Variants in MCM8 observed in about 807,000 individuals in gnomAD.
The protein encoded by MCM8 is minichromosome maintenance 8 homologous recombination repair factor, also known as DNA helicase MCM8.
A neutral mutation model predicts 98.9 loss-of-function variants in MCM8; 85 were observed. The ratio of observed to expected loss-of-function variants is 0.86; its 90% CI spans 0.72 to 1.03. The LOEUF is 1.03. Ranked by LOEUF, MCM8 falls within the 50% of genes least tolerant of loss-of-function variation. MCM8 has a pLI of 0.00. For synonymous variants in MCM8, 352 were observed against 338.6 expected, an observed-to-expected ratio of 1.04 and a Z score of -0.44; for missense variants, 951 against 997.8, an observed-to-expected ratio of 0.95 and a Z score of 0.63.
intron 17 of MCM8, among the ~76,000 whole-genome samples, chr20:5,988,478 A>G (rs1452767505): frequency 1.3e-5 from 2 of 151,780 alleles, no homozygotes; most frequent in African/African-American, 4.8e-5. Context: ...AAAAAAGTAT[A>G]TAGTGGAAAA....
chr20:5,995,029 A>T lies in MCM8; in HGVS notation c.*638A>T, dbSNP rs547217434. The stretch of plus-strand genomic sequence containing the variant: ...TAGTTGTATTTTTGACCTGCCTTTT[A>T]TATGTATGAATATTTCATAGTTTTG... On this transcript the variant is annotated 3_prime_UTR_variant, in exon 19 of 19. Coordinates refer to ENST00000610722, the MANE Select transcript of MCM8 (RefSeq NM_032485.6). 1 of 168,082 alleles carries T rather than the reference A, an allele frequency of 5.9e-6. No individual in the cohort carries two copies. The highest frequency in any genetic ancestry group is 2.4e-5 in the African/African-American group (1 of 41,710). The allele number at this position is 168,082 out of a possible 1,614,324, so 10.4% of individuals were successfully genotyped here.
chr20:5,993,825 A>G (rs1200276985), intron 18 of MCM8, 130 bp downstream of exon 18: 6 of 696,374 alleles, frequency 8.6e-6, no homozygotes, highest in Admixed American at 5.7e-5. Context: ...CAGCATCTTG[A>G]TAGTCAGAGG....
rs180709899 is a variant in MCM8, at chr20:5,977,535, C to G, written c.1396-341C>G. On this transcript the variant is annotated intron_variant, in intron 12 of 18. Transcript: ENST00000610722. ...GGAACCTTCAAAATTAAAATTGGTA[C>G]TCATGTTTTTGCTTTTCGAACTTGA... Among the ~76,000 whole-genome samples, 17 of 152,332 alleles carry G rather than the reference C, an allele frequency of 1.1e-4. No individual in the cohort carries two copies. The East Asian group carries it at 3.3e-3, about 29-fold the overall frequency.
At position 5,993,630 on chromosome 20, in the gene MCM8, A is replaced by G. The variant is rs1276884169; in HGVS notation, c.2365A>G (p.Arg789Gly). The change falls in exon 18 of 19, where the codon AGA becomes GGA. Residue 789 changes from arginine (R) to glycine (G), a missense_variant. Coordinates refer to ENST00000610722, the MANE Select transcript of MCM8 (RefSeq NM_032485.6). ...TTCTGCTCTCAACAACGTTGCTGAA[A>G]GAACTTATAATAATATATTTCAATT... ...FISALNNVAE[R>G]TYNNIFQFHQ... The G allele has an allele frequency of 6.2e-7, 1 of 1,612,058 alleles. No homozygotes were observed. Among genetic ancestry groups the G allele is most frequent in the Admixed American group, 1.7e-5 (1 of 59,954 alleles).
chr20:5,993,782 T>A, intron 18 of MCM8, 87 bp downstream of exon 18: 2 of 1,083,856 alleles, frequency 1.8e-6, no homozygotes, highest in Non-Finnish European at 2.6e-6. Context: ...TTTACTTATT[T>A]AAAATTCATA....
At position 5,994,824 on chromosome 20, in the gene MCM8, C is replaced by A; in HGVS notation, c.*433C>A. On this transcript the variant is annotated 3_prime_UTR_variant, in exon 19 of 19. Coordinates refer to ENST00000610722, the MANE Select transcript of MCM8 (RefSeq NM_032485.6). ...CTTGTGAGGCTGAGGCAGGAGGATT[C>A]TTTGAGCCCAGGAGTTTGAGGTTAC... 4.9e-6 allele frequency: 2 copies of A among 411,246 alleles called. No individual in the cohort carries two copies. The highest frequency in any genetic ancestry group is 1.8e-5 in the South Asian group (1 of 55,756). The allele number at this position is 411,246 out of a possible 1,614,324, so 25.5% of individuals were successfully genotyped here.
rs1447052307 is a variant in MCM8, at chr20:5,975,527, C to T, written c.1395+2331C>T. On this transcript the variant is annotated intron_variant, in intron 12 of 18. Transcript: ENST00000610722. ...TTTTTTTTTTTTTGAGTCGGAGTCT[C>T]GCTCTGCCGCCCAGGCTGGAGTGCA... is the stretch of plus-strand genomic sequence containing the variant. Among the ~76,000 whole-genome samples the T allele has an allele frequency of 7.6e-5, 11 of 145,074 alleles. No individual in the cohort carries two copies. In the East Asian group the frequency reaches 8.0e-4, roughly 11 times the overall value.
In MCM8 at chr20:5,962,352, CTTTTTTTTTTT is replaced by C. The variant is rs926577182; in HGVS notation, c.790-899_790-889del. Among the ~76,000 whole-genome samples, 201 of 40,526 alleles carry C rather than the reference CTTTTTTTTTTT, an allele frequency of 5.0e-3. 1 individual carries two copies. Among genetic ancestry groups the C allele is most frequent in the African/African-American group, 0.039 (163 of 4,228 alleles). The allele number at this position is 40,526 out of a possible 152,430, so 26.6% of individuals were successfully genotyped here. The stretch of plus-strand genomic sequence containing the variant: ...CAGGAGAAGGAATTAGCCTTCATTT[CTTTTTTTTTTT>C]TTTTTTTTTTTTTTTTTTTTTTGAG... On this transcript the variant is annotated intron_variant, in intron 7 of 18. Coordinates refer to ENST00000610722, the MANE Select transcript of MCM8 (RefSeq NM_032485.6).
chr20:5,983,373 A>G (rs954738633), intron 14 of MCM8, among the ~76,000 whole-genome samples: 1 of 152,218 alleles, frequency 6.6e-6, no homozygotes, highest in African/African-American at 2.4e-5. Flanking sequence ...AAACATTTTA[A>G]ATATTAATCA....
intron 13 of MCM8, among the ~76,000 whole-genome samples, chr20:5,978,809 C>T (rs1452521357): frequency 1.3e-5 from 2 of 152,214 alleles, no homozygotes; most frequent in Non-Finnish European, 2.9e-5. Context: ...CCACCCACCA[C>T]ACCTCCCAAA....
intron 3 of MCM8, among the ~76,000 whole-genome samples, chr20:5,954,186 A>G (rs988545452): frequency 2.0e-5 from 3 of 151,926 alleles, no homozygotes; most frequent in African/African-American, 7.3e-5. Context: ...ACCAGGGTCA[A>G]GTGTTGGTCT....
intron 17 of MCM8, among the ~76,000 whole-genome samples, chr20:5,989,062 C>T (rs565118255): frequency 2.5e-4 from 38 of 150,268 alleles, no homozygotes; most frequent in African/African-American, 7.4e-4. Flanking sequence ...GTGACGAATA[C>T]GGTTCTGATA....
intron 17 of MCM8, among the ~76,000 whole-genome samples, chr20:5,990,191 C>T (rs911941349): frequency 1.3e-5 from 2 of 152,080 alleles, no homozygotes; most frequent in African/African-American, 4.8e-5. Flanking sequence ...TCTCCTGCCT[C>T]AGCCTCCTGA....
chr20:5,978,266 A>G (rs2089555801), intron 13 of MCM8, among the ~76,000 whole-genome samples: 2 of 152,182 alleles, frequency 1.3e-5, no homozygotes, highest in South Asian at 2.1e-4. Context: ...GTAAAAATCA[A>G]ATAAATATGT....
chr20:5,958,683 A>G lies in MCM8; in HGVS notation c.746A>G (p.Gln249Arg). Reference sequence around the variant, plus strand: ...CTTTGTGCTGCATGTGGAGAAATTCAGAGCTTTCCTCTTCCAGATGGAAAA... The same window carrying G: ...CTTTGTGCTGCATGTGGAGAAATTCGGAGCTTTCCTCTTCCAGATGGAAAA... ...AFLCAACGEI[Q>R]SFPLPDGKYS... The change falls in exon 7 of 19, where the codon CAG becomes CGG. Residue 249 changes from glutamine to arginine, a missense_variant. Gln to Arg is a conservative substitution (Grantham distance 43). Coordinates refer to ENST00000610722, the MANE Select transcript of MCM8 (RefSeq NM_032485.6). 1 of 1,614,186 alleles carries G rather than the reference A, an allele frequency of 6.2e-7. No individual in the cohort carries two copies. Among genetic ancestry groups the G allele is most frequent in the South Asian group, 1.1e-5 (1 of 91,088 alleles).
At position 5,954,665 on chromosome 20, in the gene MCM8, C is replaced by T; in HGVS notation, c.311C>T (p.Thr104Ile). 1 of 1,607,302 alleles carries T rather than the reference C, an allele frequency of 6.2e-7. No individual in the cohort carries two copies. Among genetic ancestry groups the T allele is most frequent in the Non-Finnish European group, 8.5e-7 (1 of 1,174,234 alleles). The change falls in exon 4 of 19, where the codon ACA becomes ATA. Residue 104 changes from threonine to isoleucine, a missense_variant. By Grantham distance (89) the Thr-to-Ile change is moderately conservative. Transcript: ENST00000610722. ...ATTCAAGCATTTGAAAAATTTTTCA[C>T]AAGGCATATTGATTTGTATGACAAG... The part of the protein sequence containing the change: ...EKIQAFEKFF[T>I]RHIDLYDKDE...
At chr20:5,963,220 G>A (rs2089191786) in intron 7 of MCM8, 54 bp from the exon 8 acceptor site, 22 of 1,318,510 alleles carry the variant, frequency 1.7e-5, no homozygotes, top group Non-Finnish European at 7.7e-6. Flanking sequence ...ATTTTCCTGA[G>A]GTGTGATTAT....
intron 1 of MCM8, among the ~76,000 whole-genome samples, chr20:5,951,560 A>T (rs923806667): frequency 2.0e-5 from 3 of 152,358 alleles, no homozygotes; most frequent in Non-Finnish European, 4.4e-5. Flanking sequence ...GTGACACTGC[A>T]GGATTGACTG....
intron 10 of MCM8, among the ~76,000 whole-genome samples, chr20:5,968,947 G>A (rs1287203933): frequency 1.3e-5 from 2 of 152,136 alleles, no homozygotes; most frequent in East Asian, 3.8e-4. Flanking sequence ...CAAAGTATAG[G>A]CATTTTTTGC....
Sources: gnomAD v4.1 joint callset for allele counts (sites outside exome capture counted in the v4.1 genomes callset) on GRCh38, gnomAD v4.1.1 for gene constraint, MANE v1.5 for transcripts, NCBI Gene and HGNC (gene_info 2026-07-23, HGNC 2026-07-21) for gene names.